Variants in TBXAS1 observed in about 807,000 individuals in gnomAD.
TBXAS1 encodes the protein thromboxane-A synthase.
A neutral mutation model predicts 60.7 loss-of-function variants in TBXAS1; 48 were observed. The observed-to-expected ratio is 0.79, with a 90% CI of 0.63 to 1.01. The LOEUF is 1.01. Ranked by LOEUF, TBXAS1 falls within the 50% of genes least tolerant of loss-of-function variation. The pLI is 0.00. For missense variants in TBXAS1, 685 were observed against 686.3 expected, an observed-to-expected ratio of 1.00 and a Z score of 0.02; for synonymous variants, 287 against 269.7, an observed-to-expected ratio of 1.06 and a Z score of -0.63.
At chr7:139,937,045 C>G (rs1040060828) in intron 5 of TBXAS1, among the ~76,000 whole-genome samples, 2 of 152,188 alleles carry the variant, frequency 1.3e-5, no homozygotes, top group Admixed American at 1.3e-4. Flanking sequence ...AGCCTCCAGA[C>G]CAATTTCTCA....
intron 9 of TBXAS1, among the ~76,000 whole-genome samples, chr7:139,985,411 C>A (rs1450029256): frequency 6.6e-6 from 1 of 152,168 alleles, no homozygotes; most frequent in Non-Finnish European, 1.5e-5. Flanking sequence ...GAGCGGTAGC[C>A]GCTGCCCTGT....
chr7:140,015,967 C>T (rs1207122252), intron 11 of TBXAS1, 107 bp downstream of exon 11: 2 of 1,480,290 alleles, frequency 1.4e-6, no homozygotes, highest in African/African-American at 1.4e-5. Context: ...AAAATTGTCC[C>T]CAAATAGTCA....
At chr7:139,809,681 C>T (rs73478005) in intron 4 of TBXAS1, among the ~76,000 whole-genome samples, 1 of 152,166 alleles carries the variant, frequency 6.6e-6, no homozygotes, top group African/African-American at 2.4e-5. Context: ...GGCCAGAGAT[C>T]TTGGAATTCT....
intron 9 of TBXAS1, among the ~76,000 whole-genome samples, chr7:139,973,001 G>T (rs1359037943): frequency 1.3e-5 from 2 of 152,092 alleles, no homozygotes; most frequent in African/African-American, 2.4e-5. Flanking sequence ...CAGCGAGAAA[G>T]GGGTCGGTGG....
intron 1 of TBXAS1, among the ~76,000 whole-genome samples, chr7:139,853,267 CA>C (rs1215194704): frequency 7.0e-6 from 1 of 142,234 alleles, no homozygotes; most frequent in African/African-American, 2.9e-5. Flanking sequence ...CAGACTTGAA[CA>C]AACAGGGGCT....
At chr7:139,892,419 C>T (rs1006335697) in intron 3 of TBXAS1, among the ~76,000 whole-genome samples, 4 of 152,166 alleles carry the variant, frequency 2.6e-5, no homozygotes, top group South Asian at 2.1e-4. Context: ...GGCGAAACCC[C>T]GTCTGTACTA....
At chr7:139,794,206 A>G (rs1264557809) in intron 4 of TBXAS1, among the ~76,000 whole-genome samples, 5 of 151,988 alleles carry the variant, frequency 3.3e-5, no homozygotes, top group Admixed American at 3.3e-4. Context: ...GGTTTAAGCA[A>G]TTCTCCTACC....
rs1456908121 is a variant in TBXAS1, at chr7:140,013,822, T to G, written c.1227-1901T>G. Among the ~76,000 whole-genome samples, 1 of 152,242 alleles carries G rather than the reference T, an allele frequency of 6.6e-6. No individual in the cohort carries two copies. The highest frequency in any genetic ancestry group is 2.1e-4 in the South Asian group (1 of 4,834). The stretch of plus-strand genomic sequence containing the variant: ...GCCTCCAACACACCTGACCTGCTCA[T>G]GGCCTTAATCCCAAACCCAGGTCCT... On this transcript the variant is annotated intron_variant, in intron 10 of 12. Transcript: ENST00000448866. The surrounding 1 kb of genome is among the most constrained non-coding windows in gnomAD (Gnocchi z 4.2).
chr7:139,879,832 TTGTGTGTGTGTGTGTGTGTGTG>T (rs57176056), intron 3 of TBXAS1, among the ~76,000 whole-genome samples: 11 of 140,430 alleles, frequency 7.8e-5, no homozygotes, highest in East Asian at 2.1e-4. Flanking sequence ...TTATCTCATT[TTGTGTGTGTGTGTGTGTGTGTG>T]TGTGTGTGTG....
At chr7:139,996,449 T>C (rs2267705) in intron 9 of TBXAS1, among the ~76,000 whole-genome samples, 62,714 of 151,854 alleles carry the variant, frequency 0.41, 14,695 homozygotes, top group African/African-American at 0.65. Context: ...GTCTGTGCGA[T>C]ACCATCTCCC....
At chr7:139,865,449 G>A (rs2116750974) in intron 1 of TBXAS1, among the ~76,000 whole-genome samples, 1 of 152,234 alleles carries the variant, frequency 6.6e-6, no homozygotes, top group East Asian at 1.9e-4. Flanking sequence ...ACCCAGATAT[G>A]TGCGTGGAGT....
intron 9 of TBXAS1, among the ~76,000 whole-genome samples, chr7:139,994,952 AGGACGTTTG>A (rs1813190290): frequency 6.6e-6 from 1 of 152,208 alleles, no homozygotes; most frequent in Non-Finnish European, 1.5e-5. Context: ...CTGACCAGGG[AGGACGTTTG>A]GGTAAATATT....
chr7:140,007,036 G>T, intron 9 of TBXAS1, 55 bp from the exon 10 acceptor site: 2 of 1,478,350 alleles, frequency 1.4e-6, no homozygotes, highest in Non-Finnish European at 1.9e-6. Flanking sequence ...AAGACAAAAT[G>T]CTGTGAGATT....
At chr7:139,780,268 T>C (rs1346894035) in intron 1 of TBXAS1, among the ~76,000 whole-genome samples, 3 of 152,238 alleles carry the variant, frequency 2.0e-5, no homozygotes, top group African/African-American at 7.2e-5. Context: ...CCATTAGAAC[T>C]TGCTGCCATA....
chr7:139,973,852 C>G (rs972705183), intron 9 of TBXAS1, among the ~76,000 whole-genome samples: 3 of 152,016 alleles, frequency 2.0e-5, no homozygotes, highest in African/African-American at 7.3e-5. Flanking sequence ...CCTCATTCCT[C>G]GAATGTTCCC....
chr7:139,817,663 T>A (rs2116428067), intron 4 of TBXAS1, among the ~76,000 whole-genome samples: 2 of 152,252 alleles, frequency 1.3e-5, no homozygotes, highest in Middle Eastern at 6.8e-3. Flanking sequence ...AGCATGAAAG[T>A]GAGATGATGT....
intron 4 of TBXAS1, among the ~76,000 whole-genome samples, chr7:139,931,357 C>T (rs1470490440): frequency 2.6e-5 from 4 of 152,146 alleles, no homozygotes; most frequent in African/African-American, 9.7e-5. Context: ...AAGCTGTGTC[C>T]CTGGACCTCC....
chr7:139,787,735 G>C (rs1309643881), intron 4 of TBXAS1, among the ~76,000 whole-genome samples: 6 of 152,178 alleles, frequency 3.9e-5, no homozygotes, highest in African/African-American at 1.4e-4. Context: ...TACCCATGCT[G>C]TCCTCTACTG....
chr7:139,947,925 C>T (rs936309280), intron 5 of TBXAS1, among the ~76,000 whole-genome samples: 23 of 151,344 alleles, frequency 1.5e-4, no homozygotes, highest in South Asian at 2.1e-4. Flanking sequence ...AGTGCAGTGG[C>T]GTGATCTTGG....
Sources: allele counts gnomAD v4.1 joint callset (sites outside exome capture counted in the v4.1 genomes callset), GRCh38; gene constraint gnomAD v4.1.1; non-coding constraint Gnocchi (gnomAD v3.1); transcripts MANE v1.5; gene names NCBI Gene and HGNC (gene_info 2026-07-23, HGNC 2026-07-21).